The following AUTS2 variants were observed in gnomAD, a reference collection of about 807,000 sequenced individuals.
AUTS2 encodes the protein autism susceptibility gene 2 protein.
In AUTS2, 17 loss-of-function variants were observed where a neutral mutation model predicts 112.4. The observed-to-expected ratio is 0.15, with a 90% CI of 0.10 to 0.23. The LOEUF is 0.23. Among genes scored for constraint, AUTS2 ranks in the 10% least tolerant of loss-of-function variants. The probability of loss-of-function intolerance (pLI) is 1.00; values close to 1 mark genes in which losing one functional copy is unlikely to be tolerated. For missense variants in AUTS2, 1,510 were observed against 1,701.6 expected, an observed-to-expected ratio of 0.89 and a Z score of 1.98; for synonymous variants, 751 against 702.7, an observed-to-expected ratio of 1.07 and a Z score of -1.09.
chr7:69,964,714 A>G (rs574077257), intron 2 of AUTS2, among the ~76,000 whole-genome samples: 1 of 151,874 alleles, frequency 6.6e-6, no homozygotes, highest in East Asian at 1.9e-4. Context: ...ACGGGGAACG[A>G]TCACAAGGAA....
chr7:69,809,486 A>G (rs1188409921), intron 1 of AUTS2, among the ~76,000 whole-genome samples: 2 of 152,192 alleles, frequency 1.3e-5, no homozygotes, highest in Non-Finnish European at 2.9e-5. Flanking sequence ...GAAACATGTT[A>G]TGGAAATCTA....
chr7:70,668,161 G>A (rs1807443678), intron 5 of AUTS2, among the ~76,000 whole-genome samples: 1 of 152,182 alleles, frequency 6.6e-6, no homozygotes, highest in Admixed American at 6.5e-5. Flanking sequence ...TGTACTTTTA[G>A]TAGAGATGGG....
At chr7:70,605,546 C>CTTTTTTTTTTTTTTTTTTTTTGTCTTT in intron 5 of AUTS2, among the ~76,000 whole-genome samples, 1 of 70,664 alleles carries the variant, frequency 1.4e-5, no homozygotes, top group Non-Finnish European at 2.4e-5. Context: ...CCTTCTTTCT[C>CTTTTTTTTTTTTTTTTTTTTTGTCTTT]TTTTTTTTTT....
intron 5 of AUTS2, among the ~76,000 whole-genome samples, chr7:70,525,898 CA>C (rs1053999482): frequency 1.8e-4 from 27 of 152,222 alleles, no homozygotes; most frequent in Non-Finnish European, 3.2e-4. Flanking sequence ...GCATTCTGGA[CA>C]GGGGGCCCTG....
At chr7:70,048,592 T>C (rs1034231680) in intron 2 of AUTS2, among the ~76,000 whole-genome samples, 1 of 152,232 alleles carries the variant, frequency 6.6e-6, no homozygotes, top group Non-Finnish European at 1.5e-5. Context: ...TGTGTTTTGA[T>C]TGAATTAATT....
intron 4 of AUTS2, among the ~76,000 whole-genome samples, chr7:70,340,163 A>AAAACACACACACAC (rs1491533347): frequency 6.9e-6 from 1 of 144,682 alleles, no homozygotes; most frequent in Admixed American, 7.0e-5. Context: ...TATGGAGAGA[A>AAAACACACACACAC]ACACACACAC....
At chr7:69,735,179 A>C (rs1786974373) in intron 1 of AUTS2, among the ~76,000 whole-genome samples, 1 of 152,214 alleles carries the variant, frequency 6.6e-6, no homozygotes, top group Non-Finnish European at 1.5e-5. Flanking sequence ...TATGTAGGAT[A>C]ATACTACTCC....
At chr7:69,972,734 C>T (rs1157478071) in intron 2 of AUTS2, among the ~76,000 whole-genome samples, 1 of 151,320 alleles carries the variant, frequency 6.6e-6, no homozygotes, top group African/African-American at 2.4e-5. Flanking sequence ...TGTTTTAGCA[C>T]CACTTATGGA....
chr7:70,245,154 A>ATG (rs1812846739), intron 4 of AUTS2, among the ~76,000 whole-genome samples: 1 of 136,222 alleles, frequency 7.3e-6, no homozygotes, highest in Non-Finnish European at 1.6e-5. Context: ...GTATATATAT[A>ATG]TATATATATA....
intron 1 of AUTS2, among the ~76,000 whole-genome samples, chr7:69,607,647 A>G (rs1792803240): frequency 6.6e-6 from 1 of 152,128 alleles, no homozygotes; most frequent in African/African-American, 2.4e-5. Flanking sequence ...CTACATACAA[A>G]TATTTTTAAA....
At chr7:70,729,204 C>T in intron 6 of AUTS2, 1 of 456,570 alleles carries the variant, frequency 2.2e-6, no homozygotes, top group South Asian at 1.5e-5. Context: ...CTTGGAGCTC[C>T]CGTGCCGATG....
chr7:70,304,408 C>A (rs950958770), intron 4 of AUTS2, among the ~76,000 whole-genome samples: 1 of 152,184 alleles, frequency 6.6e-6, no homozygotes, highest in Non-Finnish European at 1.5e-5. Context: ...CTCAAAGTAT[C>A]CCAGTGGAGC....
At chr7:70,146,900 A>C (rs559943357) in intron 4 of AUTS2, among the ~76,000 whole-genome samples, 1 of 152,178 alleles carries the variant, frequency 6.6e-6, no homozygotes. Flanking sequence ...GGTTAAAGCC[A>C]GTGTGCAATT....
At position 70,468,210 on chromosome 7, in the gene AUTS2, A is replaced by G. The variant is rs375545784; in HGVS notation, c.690+32429A>G. 2.5e-4 allele frequency among the ~76,000 whole-genome samples: 38 copies of G among 152,006 alleles called. 1 individual carries two copies. The South Asian group carries it at 7.7e-3, about 31-fold the overall frequency. On this transcript the variant is annotated intron_variant, in intron 5 of 18. Transcript: ENST00000342771. The stretch of plus-strand genomic sequence containing the variant: ...GGAGCATTGTGTCCACATTAACTGA[A>G]GCTCACAGAAATCCTAAGGATAAGT...
In AUTS2 at chr7:70,768,020, A is replaced by G. The variant is rs1790045992; in HGVS notation, c.1690-4A>G. 2.5e-6 allele frequency: 4 copies of G among 1,611,030 alleles called. No homozygotes were observed. Among genetic ancestry groups the G allele is most frequent in the Admixed American group, 3.4e-5 (2 of 59,156 alleles). On this transcript the variant is annotated splice_region_variant and splice_polypyrimidine_tract_variant and intron_variant, in intron 9 of 18. Coordinates refer to ENST00000342771, the MANE Select transcript of AUTS2 (RefSeq NM_015570.4). ...AACTAGCTTTTGCTTTGATCCCTTTACAGTTTGACAAATACCCTACAAAAG... is the reference window on the plus strand; with the variant it reads ...AACTAGCTTTTGCTTTGATCCCTTTGCAGTTTGACAAATACCCTACAAAAG...
At chr7:69,733,107 G>A (rs1786872258) in intron 1 of AUTS2, among the ~76,000 whole-genome samples, 1 of 152,174 alleles carries the variant, frequency 6.6e-6, no homozygotes, top group Non-Finnish European at 1.5e-5. Flanking sequence ...ATGCTTTGGG[G>A]ATATGGATAA....
intron 4 of AUTS2, among the ~76,000 whole-genome samples, chr7:70,288,685 A>G (rs1186159549): frequency 1.3e-5 from 2 of 152,130 alleles, no homozygotes; most frequent in Admixed American, 1.3e-4. Flanking sequence ...AGAGGGAGGA[A>G]CTGGAGAGGA....
intron 1 of AUTS2, among the ~76,000 whole-genome samples, chr7:69,606,859 T>G (rs1792750398): frequency 1.3e-5 from 2 of 152,212 alleles, no homozygotes; most frequent in Non-Finnish European, 2.9e-5. Flanking sequence ...TAGACTTTTT[T>G]CCCCTCTGGG....
intron 5 of AUTS2, among the ~76,000 whole-genome samples, chr7:70,593,051 A>G (rs141947901): frequency 5.2e-4 from 78 of 150,184 alleles, no homozygotes; most frequent in African/African-American, 1.7e-3. Flanking sequence ...GTGTTTCACT[A>G]TGTTGCACAG....
Sources: allele counts gnomAD v4.1 joint callset (sites outside exome capture counted in the v4.1 genomes callset), GRCh38; gene constraint gnomAD v4.1.1; transcripts MANE v1.5; gene names NCBI Gene and HGNC (gene_info 2026-07-23, HGNC 2026-07-21).